Variants in RNF38 observed in about 807,000 individuals in gnomAD.
RNF38 encodes ring finger protein 38, also known as E3 ubiquitin-protein ligase RNF38.
RNF38 carries 15 observed loss-of-function variants against 67.2 expected under a neutral mutation model. That is an observed-to-expected ratio of 0.22 (90% CI 0.15 to 0.34). The LOEUF (loss-of-function observed/expected upper bound fraction) is 0.34. Among genes scored for constraint, RNF38 ranks in the 10% least tolerant of loss-of-function variants. The probability of loss-of-function intolerance (pLI) is 1.00; values close to 1 mark genes in which losing one functional copy is unlikely to be tolerated. For missense variants in RNF38, 524 were observed against 639.9 expected, an observed-to-expected ratio of 0.82 and a Z score of 1.95; for synonymous variants, 220 against 218.8, an observed-to-expected ratio of 1.01 and a Z score of -0.05.
chr9:36,423,919 A>C (rs1213355293), intron 2 of RNF38, among the ~76,000 whole-genome samples: 1 of 24,092 alleles, frequency 4.2e-5, no homozygotes, highest in African/African-American at 1.4e-4. Flanking sequence ...ACTGCACTCC[A>C]GCCTGGGCGA....
At chr9:36,442,079 G>A (rs1042070646) in intron 1 of RNF38, among the ~76,000 whole-genome samples, 1 of 152,068 alleles carries the variant, frequency 6.6e-6, no homozygotes, top group Non-Finnish European at 1.5e-5. Flanking sequence ...AAGGGGGGGA[G>A]GGGGAGAGTC....
chr9:36,407,218 G>A (rs542155080), intron 2 of RNF38, among the ~76,000 whole-genome samples: 18 of 152,324 alleles, frequency 1.2e-4, no homozygotes, highest in African/African-American at 4.3e-4. Context: ...AGCAGCTAGA[G>A]ACCAGAAGAG....
intron 10 of RNF38, 92 bp downstream of exon 10, chr9:36,344,740 C>T: frequency 5.6e-6 from 7 of 1,259,104 alleles, no homozygotes; most frequent in Admixed American, 2.3e-5. Context: ...TTTTTATTTC[C>T]TCTCCCAACT....
chr9:36,349,434 T>G (rs1219870854), intron 9 of RNF38, among the ~76,000 whole-genome samples: 1 of 152,242 alleles, frequency 6.6e-6, no homozygotes, highest in Non-Finnish European at 1.5e-5. Flanking sequence ...CTTTGAGAAA[T>G]GTCTATTCAG....
At chr9:36,471,520 T>A (rs182637117) in intron 1 of RNF38, among the ~76,000 whole-genome samples, 1 of 152,274 alleles carries the variant, frequency 6.6e-6, no homozygotes, top group African/African-American at 2.4e-5. Context: ...AGTTCCAGAA[T>A]AACTTGTCAA....
chr9:36,347,022 A>C (rs1210981341), intron 9 of RNF38, among the ~76,000 whole-genome samples: 1 of 149,760 alleles, frequency 6.7e-6, no homozygotes, highest in African/African-American at 2.5e-5. Flanking sequence ...TGGAAGACTA[A>C]GGGAGGAGAA....
chr9:36,397,701 C>T (rs1020291884), intron 1 of RNF38, among the ~76,000 whole-genome samples: 7 of 152,160 alleles, frequency 4.6e-5, no homozygotes, highest in African/African-American at 1.2e-4. Context: ...ACAGATGCAA[C>T]GAAAGAAATC....
chr9:36,383,900 A>G (rs925538464), intron 2 of RNF38, among the ~76,000 whole-genome samples: 2 of 152,178 alleles, frequency 1.3e-5, no homozygotes, highest in Non-Finnish European at 2.9e-5. Flanking sequence ...ACGTATTGCA[A>G]TCACACCATG....
At chr9:36,406,815 A>G (rs568373548) in intron 2 of RNF38, among the ~76,000 whole-genome samples, 1 of 152,354 alleles carries the variant, frequency 6.6e-6, no homozygotes, top group East Asian at 1.9e-4. Flanking sequence ...CTTTGCTGTC[A>G]TCCCTAAGTT....
chr9:36,452,534 C>CT lies in RNF38; in HGVS notation n.242-27852dup, dbSNP rs748639616. Among the ~76,000 whole-genome samples the CT allele has an allele frequency of 2.3e-3, 332 of 143,994 alleles. 1 individual carries two copies. The highest frequency in any genetic ancestry group is 3.6e-3 in the Middle Eastern group (1 of 276). The allele number at this position is 143,994 out of a possible 152,430, so 94.5% of individuals were successfully genotyped here. A position where few individuals can be genotyped will look rare whatever the true frequency, so the allele number is the denominator to read the frequency against. On this transcript the variant is annotated intron_variant and non_coding_transcript_variant, in intron 1 of 3. Transcript: ENST00000488058. The stretch of plus-strand genomic sequence containing the variant: ...GTTGTGGCATGTTAGCAAAATCTTG[C>CT]TTTTTTTTTTTTTTCTTGAGATGGA...
chr9:36,411,843 A>G (rs1310501485), intron 2 of RNF38, among the ~76,000 whole-genome samples: 1 of 152,064 alleles, frequency 6.6e-6, no homozygotes, highest in African/African-American at 2.4e-5. Flanking sequence ...TGCTGGGAAT[A>G]TAGGCATGAA....
At chr9:36,408,486 A>G (rs1838238066) in intron 2 of RNF38, among the ~76,000 whole-genome samples, 1 of 152,124 alleles carries the variant, frequency 6.6e-6, no homozygotes, top group African/African-American at 2.4e-5. Context: ...GGACCAGTAT[A>G]CTTTTAGTGA....
intron 1 of RNF38, among the ~76,000 whole-genome samples, chr9:36,436,820 A>C (rs1316799945): frequency 2.9e-4 from 7 of 24,512 alleles, no homozygotes; most frequent in African/African-American, 1.0e-3. Context: ...AGACTCCTCA[A>C]AAAAAAAAAA....
chr9:36,362,424 A>C (rs1834622197), intron 4 of RNF38, among the ~76,000 whole-genome samples: 1 of 151,846 alleles, frequency 6.6e-6, no homozygotes, highest in African/African-American at 2.4e-5. Context: ...ACTTTGTAAA[A>C]TACAATCAAA....
At chr9:36,486,012 C>T (rs1298112242) in intron 1 of RNF38, among the ~76,000 whole-genome samples, 1 of 152,204 alleles carries the variant, frequency 6.6e-6, no homozygotes, top group Admixed American at 6.5e-5. Flanking sequence ...CCAACAGACT[C>T]CTTTCAAACT....
At chr9:36,394,523 G>C (rs535790370) in intron 1 of RNF38, among the ~76,000 whole-genome samples, 1 of 152,300 alleles carries the variant, frequency 6.6e-6, no homozygotes, top group East Asian at 1.9e-4. Flanking sequence ...GATTACAAAA[G>C]ATATAAAAAT....
chr9:36,400,348 G>GGAGCGAGA (rs1837917423), upstream of RNF38: 1 of 1,232,088 alleles, frequency 8.1e-7, no homozygotes, highest in Non-Finnish European at 1.0e-6. Context: ...AAAAAGGGAG[G>GGAGCGAGA]GAGCGAGAGA....
At chr9:36,400,459 C>A, upstream of RNF38, 1 of 1,051,098 alleles carries the variant, frequency 9.5e-7, no homozygotes, top group Non-Finnish European at 1.1e-6. Flanking sequence ...CGAGGCAAAC[C>A]TTAGCCCAAG....
chr9:36,380,925 G>A (rs1211436306), intron 2 of RNF38, among the ~76,000 whole-genome samples: 1 of 152,204 alleles, frequency 6.6e-6, no homozygotes, highest in African/African-American at 2.4e-5. Flanking sequence ...AGAAGATAAG[G>A]CCTTATGACT....
Sources: allele counts gnomAD v4.1 joint callset (sites outside exome capture counted in the v4.1 genomes callset), GRCh38; gene constraint gnomAD v4.1.1; transcripts MANE v1.5; gene names NCBI Gene and HGNC (gene_info 2026-07-23, HGNC 2026-07-21).